Variants in JARID2 observed in about 807,000 individuals in gnomAD.
JARID2 encodes the protein protein Jumonji.
JARID2 carries 21 observed loss-of-function variants against 125.6 expected under a neutral mutation model. The observed-to-expected ratio is 0.17, with a 90% confidence interval of 0.12 to 0.24. The LOEUF (loss-of-function observed/expected upper bound fraction) is 0.24. Among genes scored for constraint, JARID2 ranks in the 10% least tolerant of loss-of-function variants. The pLI is 1.00. For missense variants in JARID2, 1,303 were observed against 1,639.6 expected, an observed-to-expected ratio of 0.79 and a Z score of 3.55; for synonymous variants, 736 against 661.6, an observed-to-expected ratio of 1.11 and a Z score of -1.73.
intron 4 of JARID2, among the ~76,000 whole-genome samples, chr6:15,462,710 G>C (rs927660562): frequency 6.6e-6 from 1 of 152,222 alleles, no homozygotes; most frequent in African/African-American, 2.4e-5. Flanking sequence ...ACAGTGCACA[G>C]GGAATCCCTC....
At chr6:15,268,844 A>G (rs1020030336) in intron 1 of JARID2, among the ~76,000 whole-genome samples, 1 of 152,228 alleles carries the variant, frequency 6.6e-6, no homozygotes, top group Non-Finnish European at 1.5e-5. Flanking sequence ...TAGTGAGACT[A>G]CAGAACAAAA....
intron 2 of JARID2, among the ~76,000 whole-genome samples, chr6:15,405,219 C>T (rs1281008233): frequency 1.3e-5 from 2 of 152,192 alleles, no homozygotes; most frequent in African/African-American, 4.8e-5. Context: ...GCTGCTGTTC[C>T]AGACTCAGAA....
intron 1 of JARID2, among the ~76,000 whole-genome samples, chr6:15,249,863 A>C (rs1759373836): frequency 6.6e-6 from 1 of 152,210 alleles, no homozygotes; most frequent in South Asian, 2.1e-4. Flanking sequence ...CTCCCACTGC[A>C]ATACCTTAAA....
intron 3 of JARID2, among the ~76,000 whole-genome samples, chr6:15,415,833 C>T (rs1766163537): frequency 6.9e-6 from 1 of 144,448 alleles, no homozygotes; most frequent in South Asian, 2.2e-4. Flanking sequence ...GACCCCCCCA[C>T]CTCCCTCCCG....
intron 1 of JARID2, among the ~76,000 whole-genome samples, chr6:15,290,633 C>T (rs964251326): frequency 6.6e-6 from 1 of 152,058 alleles, no homozygotes; most frequent in Admixed American, 6.5e-5. Flanking sequence ...TTTTTTTCCC[C>T]CCCAAGACAG....
intron 1 of JARID2, among the ~76,000 whole-genome samples, chr6:15,291,393 A>G (rs1329722412): frequency 6.6e-6 from 1 of 152,246 alleles, no homozygotes; most frequent in Non-Finnish European, 1.5e-5. Context: ...CACATGGTAT[A>G]GCTTGCTATT....
At chr6:15,487,581 CCA>C (rs750113205) in intron 6 of JARID2, 39 bp downstream of exon 6, 4 of 1,486,808 alleles carry the variant, frequency 2.7e-6, no homozygotes, top group Non-Finnish European at 3.6e-6. Context: ...GTGCCAGACC[CCA>C]GTTTCCCACT....
At chr6:15,458,814 C>T (rs1468911974) in intron 4 of JARID2, among the ~76,000 whole-genome samples, 1 of 152,200 alleles carries the variant, frequency 6.6e-6, no homozygotes, top group African/African-American at 2.4e-5. Context: ...GGAAGGGGTT[C>T]TGCAGAAGCA....
intron 3 of JARID2, among the ~76,000 whole-genome samples, chr6:15,448,870 T>A (rs1457859671): frequency 6.6e-6 from 1 of 152,156 alleles, no homozygotes; most frequent in Admixed American, 6.5e-5. Context: ...CTCTGCAGTT[T>A]GATGGAATGA....
chr6:15,296,737 G>A (rs1273262136), intron 1 of JARID2, among the ~76,000 whole-genome samples: 2 of 152,174 alleles, frequency 1.3e-5, no homozygotes, highest in Non-Finnish European at 1.5e-5. Context: ...CCTGTAACAT[G>A]TCCCCATCGT....
chr6:15,348,528 C>T (rs1763321094), intron 1 of JARID2, among the ~76,000 whole-genome samples: 1 of 152,104 alleles, frequency 6.6e-6, no homozygotes, highest in African/African-American at 2.4e-5. Context: ...TCTTCATAAG[C>T]TCATAGAAAT....
At chr6:15,292,185 T>G (rs895975080) in intron 1 of JARID2, among the ~76,000 whole-genome samples, 1 of 149,258 alleles carries the variant, frequency 6.7e-6, no homozygotes, top group African/African-American at 2.5e-5. Context: ...CCCGGCTAAT[T>G]TTTTTTTTTG....
At chr6:15,346,220 T>A (rs1763240426) in intron 1 of JARID2, among the ~76,000 whole-genome samples, 1 of 152,232 alleles carries the variant, frequency 6.6e-6, no homozygotes, top group Admixed American at 6.5e-5. Flanking sequence ...ATTAAGATAT[T>A]CATTTATTCA....
At chr6:15,337,238 T>C (rs1006823180) in intron 1 of JARID2, among the ~76,000 whole-genome samples, 3 of 152,328 alleles carry the variant, frequency 2.0e-5, no homozygotes, top group South Asian at 2.1e-4. Flanking sequence ...CTCTTATCTC[T>C]TTCCTTACAA....
chr6:15,489,375 C>G (rs192932708), intron 6 of JARID2, among the ~76,000 whole-genome samples: 1 of 152,180 alleles, frequency 6.6e-6, no homozygotes, highest in East Asian at 1.9e-4. Context: ...TGGCAGAGGA[C>G]CTGAGTCATG....
chr6:15,417,561 G>A (rs758248375), intron 3 of JARID2, among the ~76,000 whole-genome samples: 6 of 152,108 alleles, frequency 3.9e-5, no homozygotes, highest in African/African-American at 4.8e-5. Flanking sequence ...GCAATATGGC[G>A]AAACTCCATT....
At chr6:15,365,374 C>G (rs773080057) in intron 1 of JARID2, among the ~76,000 whole-genome samples, 16 of 152,050 alleles carry the variant, frequency 1.1e-4, no homozygotes, top group African/African-American at 3.6e-4. Context: ...TGCCGTGTTG[C>G]GTGGTTCTGG....
chr6:15,486,839 C>T (rs1341214687), intron 5 of JARID2, among the ~76,000 whole-genome samples: 1 of 109,852 alleles, frequency 9.1e-6, no homozygotes, highest in Non-Finnish European at 1.7e-5. Context: ...CAGAGTCTCG[C>T]TCTGACATTT....
At chr6:15,468,185 TTAA>T (rs1258725039) in intron 4 of JARID2, among the ~76,000 whole-genome samples, 2 of 151,504 alleles carry the variant, frequency 1.3e-5, no homozygotes, top group African/African-American at 4.8e-5. Context: ...TTTTTTTTTT[TTAA>T]GTCTATTAAT....
Sources: allele counts gnomAD v4.1 joint callset (sites outside exome capture counted in the v4.1 genomes callset), GRCh38; gene constraint gnomAD v4.1.1; transcripts MANE v1.5; gene names NCBI Gene and HGNC (gene_info 2026-07-23, HGNC 2026-07-21).